LIMCH1: variants seen among roughly 807,000 people sequenced by gnomAD.
LIMCH1 encodes LIM and calponin homology domains 1.
LIMCH1 carries 113 observed loss-of-function variants against 176.5 expected under a neutral mutation model. That is an observed-to-expected ratio of 0.64 (90% CI 0.55 to 0.75). The LOEUF is 0.75. LIMCH1 is among the 30% of genes least tolerant of loss of function. The probability of loss-of-function intolerance (pLI) is 0.00; values close to 1 mark genes in which losing one functional copy is unlikely to be tolerated. For synonymous variants in LIMCH1, 619 were observed against 645.9 expected (o/e 0.96, Z 0.63); for missense variants, 1,674 against 1,814.9 (o/e 0.92, Z 1.41).
intron 1 of LIMCH1, among the ~76,000 whole-genome samples, chr4:41,419,904 G>C (rs999344185): frequency 3.3e-5 from 5 of 151,802 alleles, no homozygotes; most frequent in Admixed American, 2.0e-4. Flanking sequence ...CTTCGAACCA[G>C]ATGGAAAAGT....
intron 17 of LIMCH1, among the ~76,000 whole-genome samples, chr4:41,649,032 A>G (rs2094182046): frequency 6.6e-6 from 1 of 152,120 alleles, no homozygotes; most frequent in Admixed American, 6.5e-5. Context: ...AATAGAGTAA[A>G]AAGACCAGTG....
intron 1 of LIMCH1, among the ~76,000 whole-genome samples, chr4:41,474,453 G>T (rs933508228): frequency 4.0e-5 from 6 of 151,442 alleles, no homozygotes; most frequent in African/African-American, 1.5e-4. Flanking sequence ...CACCACTGCT[G>T]TCCAGCCTGG....
chr4:41,663,000 G>A lies in LIMCH1; in HGVS notation c.3291+16G>A, dbSNP rs75609446. The A allele has an allele frequency of 1.6e-5, 25 of 1,609,698 alleles. No homozygotes were observed. In the Admixed American group the frequency reaches 4.0e-4, roughly 26 times the overall value. ...GTCACAAAAGGTGAAGTGCAGAGTG[G>A]AGGAAAGCGGTTAAACCCACAAGTT... On this transcript the variant is annotated intron_variant, in intron 20 of 31. Transcript: ENST00000503057.
intron 1 of LIMCH1, among the ~76,000 whole-genome samples, chr4:41,551,920 A>T (rs1221070149): frequency 6.6e-6 from 1 of 152,182 alleles, no homozygotes; most frequent in Non-Finnish European, 1.5e-5. Flanking sequence ...TATGTGTATT[A>T]GTCTGTTCTC....
intron 1 of LIMCH1, among the ~76,000 whole-genome samples, chr4:41,393,699 TATAAC>T (rs1268360512): frequency 6.6e-6 from 1 of 152,190 alleles, no homozygotes; most frequent in East Asian, 1.9e-4. Flanking sequence ...TTTAAAGACA[TATAAC>T]AGAAGGAAAA....
At position 41,629,596 on chromosome 4, in the gene LIMCH1, A is replaced by T. The variant is rs963901934; in HGVS notation, c.1133A>T (p.His378Leu). Reference sequence around the variant, plus strand: ...GGACTCAGGAAGGTGCCAGATCTTCACAAGGATGACCTGGCCCAGCAGAGA... The same window carrying T: ...GGACTCAGGAAGGTGCCAGATCTTCTCAAGGATGACCTGGCCCAGCAGAGA... Reference protein sequence around the residue: ...EGGLRKVPDLHKDDLAQQRIQ... With the variant: ...EGGLRKVPDLLKDDLAQQRIQ... The change falls in exon 9 of 32, where the codon CAC (histidine) becomes CTC (leucine). Residue 378 changes from histidine to leucine, a missense_variant. Around this residue, in one of 3 missense-constraint regions of LIMCH1, gnomAD observed 655 missense variants for 692.2 expected, o/e 0.95. Coordinates refer to ENST00000503057, the MANE Select transcript of LIMCH1 (RefSeq NM_001330672.2). 6.5e-7 allele frequency: 1 copy of T among 1,535,978 alleles called. No homozygotes were observed. The highest frequency in any genetic ancestry group is 8.7e-7 in the Non-Finnish European group (1 of 1,146,902).
intron 1 of LIMCH1, among the ~76,000 whole-genome samples, chr4:41,475,819 G>T (rs142432314): frequency 6.6e-6 from 1 of 152,066 alleles, no homozygotes; most frequent in Admixed American, 6.6e-5. Flanking sequence ...ACCATGGCAC[G>T]TGTATACCTA....
Position 41,398,029 on chromosome 4 carries a change from G to A in LIMCH1, c.96+37093G>A, listed in dbSNP as rs137987499. 2.5e-3 allele frequency among the ~76,000 whole-genome samples: 380 copies of A among 151,836 alleles called. 2 individuals carry two copies. The highest frequency in any genetic ancestry group is 8.7e-3 in the African/African-American group (359 of 41,434). On this transcript the variant is annotated intron_variant, in intron 1 of 26. Transcript: ENST00000313860. ...GAACTATCAATAGTAGAAAAGAAAG[G>A]TAAATTATATGATACAAACCCATGT...
In LIMCH1 at chr4:41,650,425, G is replaced by C. The variant is rs16853408; in HGVS notation, c.2853G>C (p.Thr951=). Residue 951 remains threonine (T), a synonymous_variant, in exon 18 of 32, where the codon ACG becomes ACC. Coordinates refer to ENST00000503057, the MANE Select transcript of LIMCH1 (RefSeq NM_001330672.2). Reference sequence around the variant, plus strand: ...GGAAAGTCAGTGTGAATGGAGAGACGGTTCATAGAGAGGAGGAGAAGGAAA... The same window carrying C: ...GGAAAGTCAGTGTGAATGGAGAGACCGTTCATAGAGAGGAGGAGAAGGAAA... ...VDGKVSVNGE[T]VHREEEKERE... The C allele has an allele frequency of 1.2e-6, 2 of 1,613,866 alleles. No individual in the cohort carries two copies. The highest frequency in any genetic ancestry group is 8.5e-7 in the Non-Finnish European group (1 of 1,179,972).
At chr4:41,609,144 G>A (rs1415668070) in intron 4 of LIMCH1, among the ~76,000 whole-genome samples, 3 of 152,026 alleles carry the variant, frequency 2.0e-5, no homozygotes, top group Non-Finnish European at 4.4e-5. Context: ...ATTACAGGAA[G>A]AAAGGGAAAA....
intron 1 of LIMCH1, among the ~76,000 whole-genome samples, chr4:41,480,532 GGGAGGC>G (rs1289013447): frequency 6.6e-6 from 1 of 152,146 alleles, no homozygotes; most frequent in Non-Finnish European, 1.5e-5. Flanking sequence ...TCTTGAACCT[GGGAGGC>G]GGAGGTTGCA....
At chr4:41,668,042 G>T (rs1585619743) in intron 21 of LIMCH1, among the ~76,000 whole-genome samples, 1 of 152,054 alleles carries the variant, frequency 6.6e-6, no homozygotes, top group Non-Finnish European at 1.5e-5. Flanking sequence ...GGCAAGAACT[G>T]TAGGGTTTCT....
At chr4:41,455,428 A>G (rs1049921355) in intron 1 of LIMCH1, among the ~76,000 whole-genome samples, 5 of 152,168 alleles carry the variant, frequency 3.3e-5, no homozygotes, top group Non-Finnish European at 5.9e-5. Context: ...GGTTTTTACA[A>G]GTCAGAATGG....
At chr4:41,544,656 G>T (rs2079125143) in intron 1 of LIMCH1, among the ~76,000 whole-genome samples, 1 of 152,028 alleles carries the variant, frequency 6.6e-6, no homozygotes, top group Admixed American at 6.6e-5. Context: ...CTTCTATTTT[G>T]ATCTCTTCTC....
At chr4:41,472,941 G>T (rs2067198525) in intron 1 of LIMCH1, 1 of 785,826 alleles carries the variant, frequency 1.3e-6, no homozygotes, top group Non-Finnish European at 1.5e-6. Context: ...ATGGAGCTAG[G>T]ATTCTGCAGA....
rs568267920 is a variant in LIMCH1 at position 41,665,018 on chromosome 4, A to G, written c.3292-1543A>G. On this transcript the variant is annotated intron_variant, in intron 20 of 31. Transcript: ENST00000503057. Reference sequence around the variant, plus strand: ...CCAGGATAAGAACCCCTGCCAGCTGATGAGCAAATGGAATCATGGTCTTTG... The same window carrying G: ...CCAGGATAAGAACCCCTGCCAGCTGGTGAGCAAATGGAATCATGGTCTTTG... Among the ~76,000 whole-genome samples, 221 of 152,294 alleles carry G rather than the reference A, an allele frequency of 1.5e-3. 1 individual carries two copies. Among genetic ancestry groups the G allele is most frequent in the Non-Finnish European group, 1.6e-3 (107 of 68,022 alleles).
intron 3 of LIMCH1, among the ~76,000 whole-genome samples, chr4:41,527,855 C>G (rs2076844737): frequency 1.3e-5 from 2 of 150,868 alleles, no homozygotes; most frequent in African/African-American, 2.4e-5. Flanking sequence ...AAAAACTGCC[C>G]CATCCCCAAA....
At chr4:41,598,455 T>C (rs141902461) in intron 1 of LIMCH1, among the ~76,000 whole-genome samples, 139 of 152,110 alleles carry the variant, frequency 9.1e-4, no homozygotes, top group Non-Finnish European at 1.7e-3. Flanking sequence ...CTAAAGGATG[T>C]AAAATACATC....
chr4:41,595,028 G>T (rs1211196878), intron 1 of LIMCH1, among the ~76,000 whole-genome samples: 1 of 152,190 alleles, frequency 6.6e-6, no homozygotes, highest in South Asian at 2.1e-4. Flanking sequence ...GACTCACCTG[G>T]ATCTGTACTA....
Sources: allele counts gnomAD v4.1 joint callset (sites outside exome capture counted in the v4.1 genomes callset), GRCh38; gene constraint gnomAD v4.1.1; regional missense constraint gnomAD v4.1.1; transcripts MANE v1.5; gene names NCBI Gene and HGNC (gene_info 2026-07-23, HGNC 2026-07-21).